Variants in SERPINB7 observed in about 807,000 individuals in gnomAD.
SERPINB7 encodes serpin B7.
SERPINB7 carries 31 observed loss-of-function variants against 37.4 expected under a neutral mutation model. The ratio of observed to expected loss-of-function variants is 0.83; its 90% CI spans 0.62 to 1.12. The LOEUF is 1.12. SERPINB7 is among the 50% of genes most tolerant of loss of function. The pLI is 0.00. For missense variants in SERPINB7, 521 were observed against 455.3 expected (o/e 1.14, Z -1.31); for synonymous variants, 163 against 166.1 (o/e 0.98, Z 0.14).
At chr18:63,781,538 T>A (rs1701643) in intron 1 of SERPINB7, among the ~76,000 whole-genome samples, 1 of 152,122 alleles carries the variant, frequency 6.6e-6, no homozygotes, top group African/African-American at 2.4e-5. Flanking sequence ...CCCCAACTGC[T>A]ATTTTGAGAT....
At chr18:63,792,259 T>C in intron 2 of SERPINB7, 134 bp from the exon 3 acceptor site, 1 of 613,028 alleles carries the variant, frequency 1.6e-6, no homozygotes, top group Non-Finnish European at 2.9e-6. Flanking sequence ...GAATCTGCTC[T>C]AAGATACTAA....
intron 1 of SERPINB7, among the ~76,000 whole-genome samples, chr18:63,766,487 T>C (rs1282973325): frequency 6.6e-6 from 1 of 152,146 alleles, no homozygotes; most frequent in Non-Finnish European, 1.5e-5. Flanking sequence ...GTTCGACAAA[T>C]AAAACTTACT....
chr18:63,770,054 T>G (rs1480277319), intron 1 of SERPINB7, among the ~76,000 whole-genome samples: 1 of 148,662 alleles, frequency 6.7e-6, no homozygotes, highest in Non-Finnish European at 1.5e-5. Flanking sequence ...CGCTTCTGCT[T>G]GTGTTTGCTT....
chr18:63,794,836 A>C (rs2049470516), intron 4 of SERPINB7, among the ~76,000 whole-genome samples: 1 of 152,222 alleles, frequency 6.6e-6, no homozygotes, highest in South Asian at 2.1e-4. Context: ...CAAAGCTTGC[A>C]TTAGAGAGCT....
Position 63,798,661 on chromosome 18 carries a change from T to G in SERPINB7, c.512T>G (p.Leu171Arg). Residue 171 changes from leucine to arginine, a missense_variant, in exon 6 of 8, where the codon CTG becomes CGG. By Grantham distance (102) the Leu-to-Arg change is moderately radical. Coordinates refer to ENST00000398019, the MANE Select transcript of SERPINB7 (RefSeq NM_003784.4). ...GGISSSAVMV[L>R]VNAVYFKGKW... Reference sequence around the variant, plus strand: ...ATAAGCTCATCTGCTGTAATGGTGCTGGTGAATGCTGTGTACTTCAAAGGC... The same window carrying G: ...ATAAGCTCATCTGCTGTAATGGTGCGGGTGAATGCTGTGTACTTCAAAGGC... 1.9e-6 allele frequency: 3 copies of G among 1,611,762 alleles called. No homozygotes were observed. The highest frequency in any genetic ancestry group is 2.5e-6 in the Non-Finnish European group (3 of 1,178,964).
At chr18:63,798,182 G>T (rs2049508182) in intron 5 of SERPINB7, among the ~76,000 whole-genome samples, 1 of 152,216 alleles carries the variant, frequency 6.6e-6, no homozygotes, top group East Asian at 1.9e-4. Context: ...GTGGAATGAA[G>T]GAGGGCATTA....
At chr18:63,785,188 G>A (rs1568208856) in intron 2 of SERPINB7, among the ~76,000 whole-genome samples, 1 of 152,140 alleles carries the variant, frequency 6.6e-6, no homozygotes, top group Non-Finnish European at 1.5e-5. Flanking sequence ...TGTCTTCTAG[G>A]AAATTAATTT....
At chr18:63,784,782 A>G (rs541402016) in intron 2 of SERPINB7, among the ~76,000 whole-genome samples, 11 of 152,354 alleles carry the variant, frequency 7.2e-5, no homozygotes, top group East Asian at 1.9e-4. Context: ...TCACTGTTCA[A>G]TGTGTTAGAC....
At chr18:63,756,804 TTGTGTGTGTGTGTGTGTG>T (rs74169985) in intron 1 of SERPINB7, among the ~76,000 whole-genome samples, 2 of 137,346 alleles carry the variant, frequency 1.5e-5, no homozygotes, top group African/African-American at 2.7e-5. Flanking sequence ...TTGGGGTAGC[TTGTGTGTGTGTGTGTGTG>T]TGTGTGTGTG....
chr18:63,785,071 TTAC>T (rs944870085), intron 2 of SERPINB7, among the ~76,000 whole-genome samples: 4 of 152,192 alleles, frequency 2.6e-5, no homozygotes. Flanking sequence ...TTTATAACTC[TTAC>T]TATTATGATC....
At chr18:63,769,411 G>A (rs765029830) in intron 1 of SERPINB7, among the ~76,000 whole-genome samples, 3 of 151,990 alleles carry the variant, frequency 2.0e-5, no homozygotes, top group Non-Finnish European at 2.9e-5. Context: ...TAAAATAGCT[G>A]CTTTAAAATC....
chr18:63,769,537 T>C (rs2049198517), intron 1 of SERPINB7, among the ~76,000 whole-genome samples: 1 of 152,114 alleles, frequency 6.6e-6, no homozygotes, highest in Non-Finnish European at 1.5e-5. Flanking sequence ...TTGTATTATG[T>C]CCTGGACATT....
At chr18:63,797,527 T>G (rs560978145) in intron 5 of SERPINB7, among the ~76,000 whole-genome samples, 1 of 152,300 alleles carries the variant, frequency 6.6e-6, no homozygotes, top group Non-Finnish European at 1.5e-5. Context: ...TAGTTATTTA[T>G]TTCTCTTCCT....
intron 6 of SERPINB7, among the ~76,000 whole-genome samples, chr18:63,800,611 G>A (rs887787007): frequency 2.6e-5 from 4 of 152,112 alleles, no homozygotes; most frequent in African/African-American, 7.2e-5. Context: ...AGGAAATGGA[G>A]GAACAGAGAG....
chr18:63,782,515 A>G lies in SERPINB7; in HGVS notation c.143A>G (p.Asp48Gly). The G allele has an allele frequency of 6.2e-7, 1 of 1,613,254 alleles. No individual in the cohort carries two copies. The highest frequency in any genetic ancestry group is 8.5e-7 in the Non-Finnish European group (1 of 1,179,574). ...ALALVRLGAQ[D>G]DSLSQIDKLL... The stretch of plus-strand genomic sequence containing the variant: ...GCCCTGGTCCGCTTGGGCGCTCAAG[A>G]TGACTCCCTCTCTCAGATTGATAAG... Residue 48 changes from aspartate (D) to glycine (G), a missense_variant, in exon 2 of 8, where the codon GAT becomes GGT. Physicochemically the swap from Asp to Gly is moderately conservative, Grantham distance 94. Coordinates refer to ENST00000398019, the MANE Select transcript of SERPINB7 (RefSeq NM_003784.4).
At chr18:63,764,504 C>G (rs946936270) in intron 1 of SERPINB7, among the ~76,000 whole-genome samples, 3 of 152,062 alleles carry the variant, frequency 2.0e-5, no homozygotes, top group African/African-American at 7.2e-5. Context: ...GGGGCTGTTC[C>G]CAAGCACCAA....
At chr18:63,797,191 C>T (rs1184592575) in intron 5 of SERPINB7, among the ~76,000 whole-genome samples, 1 of 152,178 alleles carries the variant, frequency 6.6e-6, no homozygotes, top group Non-Finnish European at 1.5e-5. Context: ...TTGATTTGTA[C>T]TCTAAATATT....
intron 7 of SERPINB7, among the ~76,000 whole-genome samples, chr18:63,801,578 G>T (rs2049549839): frequency 6.6e-6 from 1 of 152,278 alleles, no homozygotes; most frequent in Non-Finnish European, 1.5e-5. Context: ...CTCCCTGAAG[G>T]TTTGGAGGTT....
At chr18:63,755,057 G>A (rs1309314205) in intron 1 of SERPINB7, among the ~76,000 whole-genome samples, 1 of 151,834 alleles carries the variant, frequency 6.6e-6, no homozygotes, top group Non-Finnish European at 1.5e-5. Flanking sequence ...CCGCCACCGC[G>A]CCCGGCTAAT....
Sources: gnomAD v4.1 joint callset for allele counts (sites outside exome capture counted in the v4.1 genomes callset) on GRCh38, gnomAD v4.1.1 for gene constraint, MANE v1.5 for transcripts, NCBI Gene and HGNC (gene_info 2026-07-23, HGNC 2026-07-21) for gene names.